SMIM31: variants seen among roughly 807,000 people sequenced by gnomAD.
SMIM31 encodes the protein human epithelial cell program regulator.
intron 1 of SMIM31, among the ~76,000 whole-genome samples, chr4:164,760,273 A>G (rs1223861986): frequency 6.6e-6 from 1 of 152,222 alleles, no homozygotes; most frequent in African/African-American, 2.4e-5. Flanking sequence ...GCAATGTAGT[A>G]TGCCTTACAA....
chr4:164,775,334 C>T (rs990639179), intron 2 of SMIM31, among the ~76,000 whole-genome samples: 1 of 152,218 alleles, frequency 6.6e-6, no homozygotes, highest in Admixed American at 6.5e-5. Flanking sequence ...AGAACAGACA[C>T]AGACCTTTCA....
intron 2 of SMIM31, among the ~76,000 whole-genome samples, chr4:164,788,109 T>C (rs1478721402): frequency 3.3e-5 from 5 of 152,204 alleles, no homozygotes; most frequent in Non-Finnish European, 7.3e-5. Flanking sequence ...CTTGCTTTTA[T>C]TGGAAAATAA....
chr4:164,759,676 A>G (rs1170923742), intron 1 of SMIM31, among the ~76,000 whole-genome samples: 1 of 152,176 alleles, frequency 6.6e-6, no homozygotes, highest in African/African-American at 2.4e-5. Context: ...TCATTCATTC[A>G]TTCACTGAAT....
intron 1 of SMIM31, among the ~76,000 whole-genome samples, chr4:164,756,842 C>G (rs543060669): frequency 6.6e-6 from 1 of 152,114 alleles, no homozygotes; most frequent in South Asian, 2.1e-4. Context: ...TCAATGGACG[C>G]CTGAGTTTTG....
intron 1 of SMIM31, among the ~76,000 whole-genome samples, chr4:164,755,126 A>C (rs1434634639): frequency 6.6e-6 from 1 of 151,714 alleles, no homozygotes; most frequent in Non-Finnish European, 1.5e-5. Flanking sequence ...TCAGCAGTAG[A>C]AAAGTATAAG....
chr4:164,801,317 A>G lies in SMIM31; in HGVS notation c.*123A>G, dbSNP rs980969957. ...AGTTAAAATCACTTACTGATTAAAC[A>G]CGATGATAATAACCATTAATGAACT... On this transcript the variant is annotated 3_prime_UTR_variant, in exon 3 of 3. Transcript: ENST00000507311. 5.1e-6 allele frequency: 2 copies of G among 395,348 alleles called. No homozygotes were observed. The highest frequency in any genetic ancestry group is 2.1e-5 in the African/African-American group (1 of 48,576). The allele number at this position is 395,348 out of a possible 1,614,324, so 24.5% of individuals were successfully genotyped here.
Position 164,802,348 on chromosome 4 carries a change from G to T in SMIM31, c.*1154G>T, listed in dbSNP as rs1733298196. 6.6e-6 allele frequency: 1 copy of T among 152,286 alleles called. No homozygotes were observed. The highest frequency in any genetic ancestry group is 2.4e-5 in the African/African-American group (1 of 41,442). The allele number at this position is 152,286 out of a possible 1,614,324, so 9.4% of individuals were successfully genotyped here. A position where few individuals can be genotyped will look rare whatever the true frequency, so the allele number is the denominator to read the frequency against. On this transcript the variant is annotated 3_prime_UTR_variant, in exon 3 of 3. Transcript: ENST00000507311. ...GTTCCTGGGCTCAGGTGATCCTCTT[G>T]CTTCAGCCTCCCAAGTAACTGTGAC...
intron 2 of SMIM31, among the ~76,000 whole-genome samples, chr4:164,799,201 CAT>C (rs1287630855): frequency 6.6e-6 from 1 of 151,938 alleles, no homozygotes; most frequent in Non-Finnish European, 1.5e-5. Flanking sequence ...GCCTGGGCAA[CAT>C]AACAAAACCC....
At chr4:164,785,082 C>T (rs1001332721) in intron 2 of SMIM31, among the ~76,000 whole-genome samples, 8 of 151,734 alleles carry the variant, frequency 5.3e-5, no homozygotes, top group Admixed American at 1.3e-4. Flanking sequence ...AAAAGTTAGC[C>T]GGGTGTGGTG....
At chr4:164,759,136 T>A (rs1478500540) in intron 1 of SMIM31, among the ~76,000 whole-genome samples, 1 of 152,162 alleles carries the variant, frequency 6.6e-6, no homozygotes, top group Non-Finnish European at 1.5e-5. Context: ...TTTGTGTTTA[T>A]GTACATTAAG....
At chr4:164,798,161 T>C (rs1399765194) in intron 2 of SMIM31, among the ~76,000 whole-genome samples, 1 of 152,216 alleles carries the variant, frequency 6.6e-6, no homozygotes, top group Admixed American at 6.5e-5. Flanking sequence ...TAATTCCATA[T>C]CTTTGCTATT....
chr4:164,795,748 G>A (rs928268006), intron 2 of SMIM31, among the ~76,000 whole-genome samples: 3 of 152,010 alleles, frequency 2.0e-5, no homozygotes, highest in Admixed American at 2.0e-4. Flanking sequence ...CTGCCATGTT[G>A]TAAGAAATCA....
chr4:164,771,628 C>T (rs1184941455), intron 2 of SMIM31, among the ~76,000 whole-genome samples: 5 of 151,340 alleles, frequency 3.3e-5, no homozygotes, highest in South Asian at 4.2e-4. Flanking sequence ...AGTGAAACCC[C>T]GTCTCTACTA....
intron 2 of SMIM31, among the ~76,000 whole-genome samples, chr4:164,785,898 A>C (rs137923465): frequency 6.6e-6 from 1 of 152,168 alleles, no homozygotes; most frequent in African/African-American, 2.4e-5. Context: ...AATAGCCCAG[A>C]TCCTCGGAGC....
At chr4:164,795,867 C>A (rs1733188759) in intron 2 of SMIM31, among the ~76,000 whole-genome samples, 1 of 152,174 alleles carries the variant, frequency 6.6e-6, no homozygotes, top group Non-Finnish European at 1.5e-5. Context: ...CCTCTGCCCT[C>A]CAAGAAAGCA....
rs530551040 is a variant in SMIM31, at chr4:164,770,926, A to T, written c.112+371A>T. On this transcript the variant is annotated intron_variant, in intron 2 of 2. Coordinates refer to ENST00000507311, the MANE Select transcript of SMIM31 (RefSeq NM_001352885.1). ...ACCACATGGTAACCATAGTTACCATAGTTCAGGGCCCACCACATTTCAGAC... is the reference window on the plus strand; with the variant it reads ...ACCACATGGTAACCATAGTTACCATTGTTCAGGGCCCACCACATTTCAGAC... 3.0e-4 allele frequency among the ~76,000 whole-genome samples: 45 copies of T among 152,326 alleles called. 1 individual carries two copies. The South Asian group carries it at 9.3e-3, about 32-fold the overall frequency.
At chr4:164,777,973 G>A (rs6816976) in intron 2 of SMIM31, among the ~76,000 whole-genome samples, 3 of 152,058 alleles carry the variant, frequency 2.0e-5, no homozygotes, top group Non-Finnish European at 4.4e-5. Flanking sequence ...GAAAGATATC[G>A]GTTCATAAAG....
At chr4:164,779,228 AT>A (rs1464161437) in intron 2 of SMIM31, among the ~76,000 whole-genome samples, 14 of 152,194 alleles carry the variant, frequency 9.2e-5, no homozygotes, top group African/African-American at 3.1e-4. Context: ...GTGGGTTTAC[AT>A]TTTGGTCACC....
At chr4:164,771,964 TACTG>T (rs1169872150) in intron 2 of SMIM31, among the ~76,000 whole-genome samples, 1 of 152,244 alleles carries the variant, frequency 6.6e-6, no homozygotes, top group African/African-American at 2.4e-5. Flanking sequence ...GTACACTGTT[TACTG>T]ACTATCTTGT....
Sources: allele counts gnomAD v4.1 joint callset (sites outside exome capture counted in the v4.1 genomes callset), GRCh38; gene constraint gnomAD v4.1.1; transcripts MANE v1.5; gene names NCBI Gene and HGNC (gene_info 2026-07-23, HGNC 2026-07-21).